VASH2: variants seen among roughly 807,000 people sequenced by gnomAD.
VASH2 encodes the protein vasohibin 2, also known as tubulinyl-Tyr carboxypeptidase 2.
In VASH2, 28 loss-of-function variants were observed where a neutral mutation model predicts 37.2. The observed-to-expected ratio is 0.75, with a 90% confidence interval of 0.56 to 1.03. The LOEUF (loss-of-function observed/expected upper bound fraction) is 1.03. Among genes scored for constraint, VASH2 ranks in the 50% least tolerant of loss-of-function variants. The pLI is 0.00. For synonymous variants in VASH2, 188 were observed against 174.7 expected (o/e 1.08, Z -0.60); for missense variants, 419 against 459.1 (o/e 0.91, Z 0.80).
rs550199636 is a variant in VASH2, at chr1:212,972,396, T to C, written c.498-184T>C. Among the ~76,000 whole-genome samples the C allele has an allele frequency of 3.3e-5, 5 of 152,322 alleles. No individual in the cohort carries two copies. In the South Asian group the frequency reaches 6.2e-4, roughly 19 times the overall value. ...TTACTTGGTTTGGATATACAGCATA[T>C]AGTAGATAGTCAAACATAACAAGCG... On this transcript the variant is annotated intron_variant, in intron 5 of 7. Coordinates refer to ENST00000517399, the MANE Select transcript of VASH2 (RefSeq NM_001301056.2).
At chr1:212,955,968 T>C (rs977402545) in intron 2 of VASH2, among the ~76,000 whole-genome samples, 1 of 152,202 alleles carries the variant, frequency 6.6e-6, no homozygotes, top group African/African-American at 2.4e-5. Context: ...TGGGTGCTGT[T>C]TTGTGCTTCT....
intron 2 of VASH2, chr1:212,952,310 T>A (rs553829020): frequency 5.4e-4 from 83 of 152,670 alleles, no homozygotes; most frequent in Non-Finnish European, 1.1e-3. Context: ...GTGTGAATAA[T>A]TTCCAGACTT....
intron 7 of VASH2, among the ~76,000 whole-genome samples, chr1:212,986,457 AG>A (rs1451953393): frequency 6.6e-6 from 1 of 152,236 alleles, no homozygotes; most frequent in African/African-American, 2.4e-5. Context: ...TGAGAGAACC[AG>A]ATGCATGTGG....
At chr1:212,956,326 TGCCCCCTA>T (rs919905504) in intron 2 of VASH2, among the ~76,000 whole-genome samples, 15 of 151,878 alleles carry the variant, frequency 9.9e-5, no homozygotes, top group Admixed American at 2.6e-4. Context: ...TCCCTCCTCC[TGCCCCCTA>T]GCCCTCAAGT....
chr1:212,984,214 A>G (rs991682392), intron 7 of VASH2, among the ~76,000 whole-genome samples: 3 of 152,232 alleles, frequency 2.0e-5, no homozygotes, highest in African/African-American at 7.2e-5. Context: ...TCTATTTTCA[A>G]ATGTGCCAAT....
chr1:212,983,315 G>C (rs1325479601), intron 7 of VASH2, among the ~76,000 whole-genome samples: 2 of 152,192 alleles, frequency 1.3e-5, no homozygotes, highest in African/African-American at 4.8e-5. Context: ...ATTGGCCCAT[G>C]GTTCTGGATG....
rs148439521 is a variant in VASH2 at position 212,972,646 on chromosome 1, A to G, written c.564A>G (p.Gly188=). Residue 188 remains glycine (G), a synonymous_variant, in exon 6 of 8, where the codon GGA becomes GGG. Transcript: ENST00000517399. The stretch of plus-strand genomic sequence containing the variant: ...TCAGCTTTAAAACCTACTTCTCAGG[A>G]AACTACTTTCACCACGTTGTGCTGG... The part of the protein sequence containing the change: ...FPISFKTYFS[G]NYFHHVVLGI... 9.9e-6 allele frequency: 16 copies of G among 1,614,190 alleles called. No individual in the cohort carries two copies. In the African/African-American group the frequency reaches 2.1e-4, roughly 22 times the overall value.
intron 5 of VASH2, among the ~76,000 whole-genome samples, chr1:212,969,627 C>G (rs934789247): frequency 1.4e-4 from 22 of 152,228 alleles, no homozygotes; most frequent in African/African-American, 5.1e-4. Context: ...TCTTGAACTC[C>G]TGACCTCAGG....
intron 3 of VASH2, among the ~76,000 whole-genome samples, chr1:212,964,733 C>A (rs6679892): frequency 0.6 from 90,493 of 151,980 alleles, 27,550 homozygotes; most frequent in African/African-American, 0.73. Context: ...TGCGCTACTG[C>A]AAAGCCCTAC....
chr1:212,987,509 G>A (rs972044771), intron 7 of VASH2, among the ~76,000 whole-genome samples: 1 of 152,182 alleles, frequency 6.6e-6, no homozygotes, highest in African/African-American at 2.4e-5. Context: ...GGGAGGCAGA[G>A]GTTGCAGTGA....
At chr1:212,959,447 T>TCACA (rs60920030) in intron 2 of VASH2, among the ~76,000 whole-genome samples, 8 of 150,728 alleles carry the variant, frequency 5.3e-5, no homozygotes, top group Non-Finnish European at 7.4e-5. Flanking sequence ...ACACGCACAT[T>TCACA]CACACACACA....
rs192305566 is a variant in VASH2 at position 212,972,526 on chromosome 1, C to T, written c.498-54C>T. On this transcript the variant is annotated intron_variant, in intron 5 of 7. Transcript: ENST00000517399. Reference sequence around the variant, plus strand: ...GAGACACTTTCCCTTCCTTTGCATCCAGGCTTCAAATTTTCAAGGCCTCCT... The same window carrying T: ...GAGACACTTTCCCTTCCTTTGCATCTAGGCTTCAAATTTTCAAGGCCTCCT... 2.3e-4 allele frequency: 369 copies of T among 1,585,508 alleles called. No homozygotes were observed. The African/African-American group carries it at 4.7e-3, about 20-fold the overall frequency.
rs1572089115 is a variant in VASH2 at position 212,990,412 on chromosome 1, A to G, written c.*1828A>G. On this transcript the variant is annotated 3_prime_UTR_variant, in exon 8 of 8. Coordinates refer to ENST00000517399, the MANE Select transcript of VASH2 (RefSeq NM_001301056.2). ...TTGGCCACATGTATTCAGATGTTTG[A>G]AATAGTGAATCATTTCATTTTCATT... 6.6e-6 allele frequency: 1 copy of G among 152,360 alleles called. No homozygotes were observed. Among genetic ancestry groups the G allele is most frequent in the East Asian group, 1.9e-4 (1 of 5,192 alleles). 9.4% of individuals were successfully genotyped at this position (152,360 alleles called of 1,614,324 possible). A position where few individuals can be genotyped will look rare whatever the true frequency, so the allele number is the denominator to read the frequency against.
chr1:212,983,744 G>A (rs967799014), intron 7 of VASH2, among the ~76,000 whole-genome samples: 1 of 152,152 alleles, frequency 6.6e-6, no homozygotes, highest in Non-Finnish European at 1.5e-5. Flanking sequence ...GAGATGTTGG[G>A]GAGAGCATTC....
At chr1:212,961,328 C>G in intron 3 of VASH2, 74 bp downstream of exon 3, 2 of 1,606,508 alleles carry the variant, frequency 1.2e-6, no homozygotes, top group Non-Finnish European at 1.7e-6. Flanking sequence ...GGTGGCAAAT[C>G]TGTCCCCAGC....
At chr1:212,987,436 T>C (rs969502060) in intron 7 of VASH2, among the ~76,000 whole-genome samples, 1 of 151,904 alleles carries the variant, frequency 6.6e-6, no homozygotes, top group African/African-American at 2.4e-5. Context: ...TGGCCAGGTG[T>C]GGTGGCACAT....
intron 3 of VASH2, among the ~76,000 whole-genome samples, chr1:212,963,549 T>G (rs957372918): frequency 7.2e-6 from 1 of 139,264 alleles, no homozygotes; most frequent in Non-Finnish European, 1.6e-5. Context: ...TCAGACATCC[T>G]CGGCAGCAAC....
Position 212,951,456 on chromosome 1 carries a change from C to G in VASH2, c.-87C>G. ...CCCCGCGGGGCGCTGATCCCCTCGC[C>G]GCGCCCGCGCGCACACGCCCCCCGC... On this transcript the variant is annotated 5_prime_UTR_variant, in exon 2 of 8. Transcript: ENST00000517399. This position sits in a 1 kb window ranked among gnomAD's most constrained non-coding sequence, Gnocchi z 4.4. 1.2e-6 allele frequency: 1 copy of G among 806,254 alleles called. No individual in the cohort carries two copies. The highest frequency in any genetic ancestry group is 1.5e-6 in the Non-Finnish European group (1 of 656,358). The allele number at this position is 806,254 out of a possible 1,614,324, so 49.9% of individuals were successfully genotyped here.
chr1:212,965,328 T>G (rs1666807230), intron 3 of VASH2, among the ~76,000 whole-genome samples: 1 of 152,184 alleles, frequency 6.6e-6, no homozygotes, highest in Admixed American at 6.5e-5. Flanking sequence ...GGAAAATCAC[T>G]TGAGCCCAGG....
Sources: allele counts gnomAD v4.1 joint callset (sites outside exome capture counted in the v4.1 genomes callset), GRCh38; gene constraint gnomAD v4.1.1; non-coding constraint Gnocchi (gnomAD v3.1); transcripts MANE v1.5; gene names NCBI Gene and HGNC (gene_info 2026-07-23, HGNC 2026-07-21).